Variants in TRPC4 observed in about 807,000 individuals in gnomAD.
TRPC4 encodes the protein short transient receptor potential channel 4.
TRPC4 carries 49 observed loss-of-function variants against 99.4 expected under a neutral mutation model. That is an observed-to-expected ratio of 0.49 (90% CI 0.39 to 0.63). TRPC4 has a LOEUF of 0.63. Among genes scored for constraint, TRPC4 ranks in the 20% least tolerant of loss-of-function variants. The pLI is 0.00. For synonymous variants in TRPC4, 454 were observed against 425.9 expected, an observed-to-expected ratio of 1.07 and a Z score of -0.81; for missense variants, 898 against 1,152.9, an observed-to-expected ratio of 0.78 and a Z score of 3.20.
At chr13:37,844,667 T>C (rs1162334233) in intron 1 of TRPC4, among the ~76,000 whole-genome samples, 1 of 152,110 alleles carries the variant, frequency 6.6e-6, no homozygotes, top group African/African-American at 2.4e-5. Flanking sequence ...GTTAAGCTTT[T>C]TCTAGGTGAG....
intron 2 of TRPC4, 119 bp downstream of exon 2, chr13:37,782,837 G>T: frequency 9.9e-7 from 1 of 1,006,618 alleles, no homozygotes. Flanking sequence ...AGATTTTGAA[G>T]CTTATATTTC....
intron 3 of TRPC4, among the ~76,000 whole-genome samples, chr13:37,704,159 A>G (rs1236785546): frequency 6.6e-6 from 1 of 152,200 alleles, no homozygotes; most frequent in Non-Finnish European, 1.5e-5. Flanking sequence ...TCTAGAAAAT[A>G]AAAACTAATC....
intron 4 of TRPC4, among the ~76,000 whole-genome samples, chr13:37,687,928 T>A (rs151118272): frequency 6.6e-6 from 1 of 152,352 alleles, no homozygotes; most frequent in East Asian, 1.9e-4. Context: ...GGTGTCCATC[T>A]GTCTGGAATT....
chr13:37,636,769 C>G lies in TRPC4; in HGVS notation c.*134G>C. 1 of 1,028,646 alleles carries G rather than the reference C, an allele frequency of 9.7e-7. No homozygotes were observed. The highest frequency in any genetic ancestry group is 2.5e-5 in the South Asian group (1 of 39,370). 63.7% of individuals were successfully genotyped at this position (1,028,646 alleles called of 1,614,324 possible). A position where few individuals can be genotyped will look rare whatever the true frequency, so the allele number is the denominator to read the frequency against. On this transcript the variant is annotated 3_prime_UTR_variant, in exon 11 of 11. Transcript: ENST00000379705. ...GCCTTTGCCTTATTTAAACATGTTA[C>G]AGGTAATATGCCACAGCTGATAAAC...
rs146479402 is a variant in TRPC4 at position 37,855,878 on chromosome 13, A to G, written c.-28+13717T>C. On this transcript the variant is annotated intron_variant, in intron 1 of 10. Coordinates refer to ENST00000379705, the MANE Select transcript of TRPC4 (RefSeq NM_016179.4). ...ATACCAAAACATATGGGATACAGCT[A>G]AAGCAGTACTAAGAGGAAAGTTTAT... Among the ~76,000 whole-genome samples the G allele has an allele frequency of 5.6e-3, 852 of 152,024 alleles. 13 individuals are homozygous for G. Among genetic ancestry groups the G allele is most frequent in the African/African-American group, 0.02 (812 of 41,512 alleles).
chr13:37,853,621 C>T (rs1050676809), intron 1 of TRPC4, among the ~76,000 whole-genome samples: 1 of 152,060 alleles, frequency 6.6e-6, no homozygotes, highest in Non-Finnish European at 1.5e-5. Flanking sequence ...AGACATGTGA[C>T]CTTTCATACA....
At chr13:37,711,865 ATAAT>A (rs1566114176) in intron 3 of TRPC4, among the ~76,000 whole-genome samples, 1 of 152,168 alleles carries the variant, frequency 6.6e-6, no homozygotes, top group Admixed American at 6.6e-5. Flanking sequence ...ATTAATTTTA[ATAAT>A]TAATTTTAAT....
At chr13:37,674,059 T>C (rs556702642) in intron 5 of TRPC4, among the ~76,000 whole-genome samples, 169 bp downstream of exon 5, 1 of 152,282 alleles carries the variant, frequency 6.6e-6, no homozygotes, top group South Asian at 2.1e-4. Context: ...AGGCTATGCA[T>C]TTATTTATGT....
At chr13:37,856,929 T>C (rs1174892115) in intron 1 of TRPC4, among the ~76,000 whole-genome samples, 2 of 151,458 alleles carry the variant, frequency 1.3e-5, no homozygotes, top group Non-Finnish European at 3.0e-5. Flanking sequence ...CAAACCCACA[T>C]CTAGTATCAT....
At chr13:37,810,554 C>T (rs1049762341) in intron 1 of TRPC4, among the ~76,000 whole-genome samples, 7 of 152,052 alleles carry the variant, frequency 4.6e-5, no homozygotes, top group African/African-American at 1.4e-4. Context: ...GAAGAGTTCA[C>T]TCTTGTTAAA....
At chr13:37,789,425 T>C (rs1202428099) in intron 1 of TRPC4, among the ~76,000 whole-genome samples, 1 of 152,200 alleles carries the variant, frequency 6.6e-6, no homozygotes, top group Non-Finnish European at 1.5e-5. Flanking sequence ...TGCATCTTTA[T>C]AAACCCTGTG....
Position 37,634,981 on chromosome 13 carries a change from T to A in TRPC4, c.*1922A>T, listed in dbSNP as rs560662133. Among the ~76,000 whole-genome samples, 1 of 152,214 alleles carries A rather than the reference T, an allele frequency of 6.6e-6. No homozygotes were observed. The highest frequency in any genetic ancestry group is 6.5e-5 in the Admixed American group (1 of 15,274). Reference sequence around the variant, plus strand: ...TGAACAGGGGCTTAGTGCTCCTGGCTTTTCTGAAAATTAAAATCTAGTATT... The same window carrying A: ...TGAACAGGGGCTTAGTGCTCCTGGCATTTCTGAAAATTAAAATCTAGTATT... On this transcript the variant is annotated 3_prime_UTR_variant, in exon 11 of 11. Transcript: ENST00000379705.
rs184370055 is a variant in TRPC4 at position 37,794,764 on chromosome 13, A to T, written c.-27-11404T>A. Among the ~76,000 whole-genome samples the T allele has an allele frequency of 2.6e-5, 4 of 152,264 alleles. No individual in the cohort carries two copies. In the East Asian group the frequency reaches 5.8e-4, roughly 22 times the overall value. ...TCAAGCTATAACTTTTTACTTAATT[A>T]AAAAAGTACTATTGTTCTGCTTTGA... is the stretch of plus-strand genomic sequence containing the variant. On this transcript the variant is annotated intron_variant, in intron 1 of 10. Coordinates refer to ENST00000379705, the MANE Select transcript of TRPC4 (RefSeq NM_016179.4).
rs912403792 is a variant in TRPC4, at chr13:37,761,923, C to T, written c.379-15468G>A. Among the ~76,000 whole-genome samples the T allele has an allele frequency of 2.0e-5, 3 of 151,966 alleles. No individual in the cohort carries two copies. In the South Asian group the frequency reaches 6.2e-4, roughly 32 times the overall value. On this transcript the variant is annotated intron_variant, in intron 2 of 10. Transcript: ENST00000379705. ...TGCTGAAAATTTAAGCTGTGTATCT[C>T]CTGAAATGGCATCTGCTTCTTTATT...
chr13:37,773,791 G>T (rs1001539946), intron 2 of TRPC4, among the ~76,000 whole-genome samples: 3 of 151,734 alleles, frequency 2.0e-5, no homozygotes, highest in Non-Finnish European at 4.4e-5. Context: ...GACCTAAGGT[G>T]ACTAGGGTAA....
At chr13:37,738,149 T>C (rs1245415679) in intron 3 of TRPC4, among the ~76,000 whole-genome samples, 5 of 152,240 alleles carry the variant, frequency 3.3e-5, no homozygotes, top group African/African-American at 9.6e-5. Context: ...ATAAAAGCTC[T>C]GAGAGTCCTG....
chr13:37,793,419 A>C (rs527425001), intron 1 of TRPC4, among the ~76,000 whole-genome samples: 1 of 150,120 alleles, frequency 6.7e-6, no homozygotes, highest in Non-Finnish European at 1.5e-5. Context: ...TATATCTCCT[A>C]ATGCTATCCC....
At chr13:37,792,784 A>G (rs1318204614) in intron 1 of TRPC4, among the ~76,000 whole-genome samples, 2 of 151,532 alleles carry the variant, frequency 1.3e-5, no homozygotes, top group Admixed American at 6.6e-5. Flanking sequence ...AACAAAAAAA[A>G]AGACAAAATG....
intron 3 of TRPC4, among the ~76,000 whole-genome samples, chr13:37,711,786 G>A (rs777328106): frequency 1.3e-3 from 197 of 151,990 alleles, no homozygotes; most frequent in Admixed American, 3.7e-3. Context: ...AAAATAAAAC[G>A]TGAGCCATAT....
Sources: gnomAD v4.1 joint callset for allele counts (sites outside exome capture counted in the v4.1 genomes callset) on GRCh38, gnomAD v4.1.1 for gene constraint, MANE v1.5 for transcripts, NCBI Gene and HGNC (gene_info 2026-07-23, HGNC 2026-07-21) for gene names.